Variants in KIAA1671 observed in about 807,000 individuals in gnomAD.
The protein encoded by KIAA1671 is uncharacterized protein KIAA1671.
In KIAA1671, 52 loss-of-function variants were observed where a neutral mutation model predicts 131.2. The ratio of observed to expected loss-of-function variants is 0.40; its 90% confidence interval spans 0.32 to 0.50. The LOEUF (loss-of-function observed/expected upper bound fraction) is 0.50, where lower values mean the gene tolerates loss of function less well. KIAA1671 is among the 20% of genes least tolerant of loss of function. The pLI is 0.73. For missense variants in KIAA1671, 2,360 were observed against 2,364.2 expected, an observed-to-expected ratio of 1.00 and a Z score of 0.04; for synonymous variants, 1,003 against 961.6, an observed-to-expected ratio of 1.04 and a Z score of -0.80.
At chr22:24,962,229 G>A (rs1398788804) in intron 1 of KIAA1671, among the ~76,000 whole-genome samples, 2 of 152,172 alleles carry the variant, frequency 1.3e-5, no homozygotes. Flanking sequence ...TTGAATCCCA[G>A]CTGTGCTCGT....
chr22:25,116,510 C>T (rs987463303), intron 6 of KIAA1671, among the ~76,000 whole-genome samples: 1 of 152,116 alleles, frequency 6.6e-6, no homozygotes, highest in Non-Finnish European at 1.5e-5. Flanking sequence ...CAACCTCCGC[C>T]TCCTGGGTTC....
chr22:25,093,682 G>GACACAC lies in KIAA1671; in HGVS notation c.4530+44369_4530+44374dup, dbSNP rs67802603. On this transcript the variant is annotated intron_variant, in intron 6 of 12. Coordinates refer to ENST00000358431, the MANE Select transcript of KIAA1671 (RefSeq NM_001145206.2). ...GGTACCGGGATCTTCCCTGCCCCCC[G>GACACAC]ACACACACACACACACACACACACA... Among the ~76,000 whole-genome samples, 409 of 49,934 alleles carry GACACAC rather than the reference G, an allele frequency of 8.2e-3. 12 individuals are homozygous for GACACAC. The highest frequency in any genetic ancestry group is 0.036 in the East Asian group (60 of 1,666). 32.8% of individuals were successfully genotyped at this position (49,934 alleles called of 152,430 possible).
intron 6 of KIAA1671, chr22:25,054,799 C>G (rs1182221833): frequency 6.7e-6 from 1 of 149,500 alleles, no homozygotes; most frequent in Non-Finnish European, 1.5e-5. Flanking sequence ...AGCAGGAGTT[C>G]GAGACCAAAG....
intron 6 of KIAA1671, among the ~76,000 whole-genome samples, chr22:25,158,475 T>C (rs1369001862): frequency 1.3e-5 from 2 of 152,078 alleles, no homozygotes; most frequent in East Asian, 3.9e-4. Context: ...CACAGGGGGT[T>C]CTATGGGGGT....
chr22:25,076,496 G>C (rs11703834), intron 6 of KIAA1671, among the ~76,000 whole-genome samples: 2 of 152,164 alleles, frequency 1.3e-5, no homozygotes, highest in African/African-American at 2.4e-5. Context: ...CTTCTCTTCT[G>C]GGGGGAGAAA....
rs761181079 is a variant in KIAA1671, at chr22:24,992,814, C to CAAAAAAAAAAAA, written c.-207-32806_-207-32795dup. ...TAGGTGACAGAGCGAGACTCCGTCT[C>CAAAAAAAAAAAA]AAAAAAAAAAAAAAAAAAAAAAAAG... On this transcript the variant is annotated intron_variant, in intron 1 of 12. Coordinates refer to ENST00000358431, the MANE Select transcript of KIAA1671 (RefSeq NM_001145206.2). Among the ~76,000 whole-genome samples, 19 of 57,368 alleles carry CAAAAAAAAAAAA rather than the reference C, an allele frequency of 3.3e-4. 2 individuals carry two copies. Among genetic ancestry groups the CAAAAAAAAAAAA allele is most frequent in the African/African-American group, 8.1e-4 (11 of 13,588 alleles). The allele number at this position is 57,368 out of a possible 152,430, so 37.6% of individuals were successfully genotyped here. A position where few individuals can be genotyped will look rare whatever the true frequency, so the allele number is the denominator to read the frequency against.
intron 1 of KIAA1671, among the ~76,000 whole-genome samples, chr22:24,961,730 G>A (rs1415455909): frequency 6.6e-6 from 1 of 152,246 alleles, no homozygotes; most frequent in Non-Finnish European, 1.5e-5. Context: ...TCAATGAGTT[G>A]AAGTCTACTC....
At chr22:25,092,583 T>G in intron 6 of KIAA1671, among the ~76,000 whole-genome samples, 1 of 151,716 alleles carries the variant, frequency 6.6e-6, no homozygotes, top group Non-Finnish European at 1.5e-5. Flanking sequence ...GGGCAGGAGG[T>G]AAAGCAGGGA....
At chr22:25,161,121 A>T (rs1465800204) in intron 6 of KIAA1671, among the ~76,000 whole-genome samples, 2 of 147,610 alleles carry the variant, frequency 1.4e-5, no homozygotes, top group Admixed American at 1.4e-4. Context: ...TCCCTTCCTA[A>T]CTTTCCTTCT....
Position 25,039,524 on chromosome 22 carries a change from G to A in KIAA1671, c.2394G>A (p.Leu798=). ...GQAGSVQRAS[L]IWEARGMPEA... is the part of the protein sequence containing the mutation. The stretch of plus-strand genomic sequence containing the variant: ...CGGGGTCCGTCCAAAGGGCCAGTTT[G>A]ATTTGGGAAGCTCGAGGCATGCCTG... The change falls in exon 5 of 13, where the codon TTG becomes TTA. Residue 798 remains leucine (L), a synonymous_variant. Coordinates refer to ENST00000358431, the MANE Select transcript of KIAA1671 (RefSeq NM_001145206.2). The A allele has an allele frequency of 6.4e-7, 1 of 1,551,864 alleles. No homozygotes were observed. The highest frequency in any genetic ancestry group is 8.7e-7 in the Non-Finnish European group (1 of 1,147,028).
chr22:25,086,825 C>T (rs1013297103), intron 6 of KIAA1671, among the ~76,000 whole-genome samples: 2 of 152,226 alleles, frequency 1.3e-5, no homozygotes, highest in Admixed American at 6.5e-5. Context: ...CAGTAACCCC[C>T]AGGGACCCCT....
At chr22:25,134,289 A>G (rs1402703495) in intron 6 of KIAA1671, among the ~76,000 whole-genome samples, 6 of 152,170 alleles carry the variant, frequency 3.9e-5, no homozygotes, top group Middle Eastern at 3.4e-3. Flanking sequence ...TGTGTTTACC[A>G]TGGGTTTGGC....
chr22:25,032,652 A>T lies in KIAA1671; in HGVS notation c.1585A>T (p.Ser529Cys). 6.5e-7 allele frequency: 1 copy of T among 1,547,028 alleles called. No homozygotes were observed. Among genetic ancestry groups the T allele is most frequent in the Non-Finnish European group, 8.7e-7 (1 of 1,143,274 alleles). ...CAGCAACGAAGTCAAATATGAGAAG[A>T]GTGCTGAGCTGAGCGGCGAGTTTCC... ...ASSNEVKYEK[S>C]AELSGEFPKE... is the part of the protein sequence containing the mutation. Residue 529 changes from serine to cysteine, a missense_variant, in exon 4 of 13, where the codon AGT becomes TGT. Transcript: ENST00000358431.
At chr22:25,134,050 G>A (rs1238290602) in intron 6 of KIAA1671, among the ~76,000 whole-genome samples, 1 of 152,174 alleles carries the variant, frequency 6.6e-6, no homozygotes, top group African/African-American at 2.4e-5. Context: ...AAACAACTTG[G>A]CCAAGGTGAC....
chr22:25,028,245 G>A lies in KIAA1671; in HGVS notation c.246G>A (p.Pro82=), dbSNP rs1427043428. ...SKEQDVKSPV[P]SLRPSSTGPS... ...AGCAGGACGTGAAATCTCCTGTCCC[G>A]TCTCTGCGGCCCAGTTCGACTGGAC... Residue 82 remains proline (P), a synonymous_variant, in exon 3 of 13, where the codon CCG becomes CCA. Transcript: ENST00000358431. 5.2e-6 allele frequency: 8 copies of A among 1,551,584 alleles called. No individual in the cohort carries two copies. The highest frequency in any genetic ancestry group is 6.1e-6 in the Non-Finnish European group (7 of 1,146,998).
intron 7 of KIAA1671, among the ~76,000 whole-genome samples, chr22:25,173,769 A>G (rs1933928930): frequency 6.6e-6 from 1 of 152,264 alleles, no homozygotes; most frequent in Non-Finnish European, 1.5e-5. Context: ...CCAAAATACT[A>G]TCATTTCCAC....
At chr22:25,102,802 A>AACC (rs1460840934) in intron 6 of KIAA1671, 2 of 152,460 alleles carry the variant, frequency 1.3e-5, no homozygotes, top group Non-Finnish European at 2.9e-5. Flanking sequence ...TTTTTGTCAC[A>AACC]ACCTTTTGAA....
At chr22:24,956,270 A>G (rs529725257) in intron 1 of KIAA1671, among the ~76,000 whole-genome samples, 110 of 152,244 alleles carry the variant, frequency 7.2e-4, no homozygotes, top group African/African-American at 2.6e-3. Context: ...CAGTTTAGCA[A>G]ACCTGCTTTA....
chr22:25,179,799 G>A (rs1262138691), intron 9 of KIAA1671, among the ~76,000 whole-genome samples: 1 of 152,132 alleles, frequency 6.6e-6, no homozygotes, highest in Non-Finnish European at 1.5e-5. Context: ...CTTTAGGTTT[G>A]CTCGCTGGTC....
Sources: gnomAD v4.1 joint callset for allele counts (sites outside exome capture counted in the v4.1 genomes callset) on GRCh38, gnomAD v4.1.1 for gene constraint, MANE v1.5 for transcripts, NCBI Gene and HGNC (gene_info 2026-07-23, HGNC 2026-07-21) for gene names.